Variants in TASOR2 observed in about 807,000 individuals in gnomAD.
The protein encoded by TASOR2 is protein TASOR 2.
TASOR2 carries 84 observed loss-of-function variants against 199.5 expected under a neutral mutation model. The ratio of observed to expected loss-of-function variants is 0.42; its 90% CI spans 0.35 to 0.50. The LOEUF (loss-of-function observed/expected upper bound fraction) is 0.50, where lower values mean the gene tolerates loss of function less well. Among genes scored for constraint, TASOR2 ranks in the 20% least tolerant of loss-of-function variants. TASOR2 has a pLI of 0.02. For missense variants in TASOR2, 2,796 were observed against 2,835.9 expected (o/e 0.99, Z 0.32); for synonymous variants, 1,103 against 1,046.6 (o/e 1.05, Z -1.04).
rs1564289055 is a variant in TASOR2, at chr10:5,719,136, AAAC to A, written c.-100+1395_-100+1397del. Among the ~76,000 whole-genome samples the A allele has an allele frequency of 6.6e-6, 1 of 152,150 alleles. No individual in the cohort carries two copies. The highest frequency in any genetic ancestry group is 2.4e-5 in the African/African-American group (1 of 41,438). ...GTCTGTAAATGAAGAGGCAGGACTTAAACAACAACAAAACATCTTCTTTTTTAA... is the reference window on the plus strand; with the variant it reads ...GTCTGTAAATGAAGAGGCAGGACTTAAACAACAAAACATCTTCTTTTTTAA... On this transcript the variant is annotated intron_variant, in intron 3 of 20. Coordinates refer to ENST00000328090, the Ensembl canonical transcript of TASOR2. The surrounding 1 kb of genome is among the most constrained non-coding windows in gnomAD (Gnocchi z 4.1).
intron 1 of TASOR2, chr10:5,712,434 G>A: frequency 8.1e-7 from 1 of 1,231,706 alleles, no homozygotes; most frequent in Non-Finnish European, 1.0e-6. Context: ...CTCTCTTCCA[G>A]AGGGCAGTTT....
chr10:5,757,090 G>A (rs1839067427), intron 16 of TASOR2, among the ~76,000 whole-genome samples: 2 of 152,204 alleles, frequency 1.3e-5, no homozygotes, highest in South Asian at 4.1e-4. Flanking sequence ...TTGAATCAAA[G>A]TAATTGCTTG....
At chr10:5,727,282 A>G (rs1834170081) in intron 10 of TASOR2, among the ~76,000 whole-genome samples, 159 bp downstream of exon 11, 1 of 152,116 alleles carries the variant, frequency 6.6e-6, no homozygotes, top group Admixed American at 6.5e-5. Context: ...CCTCCCTTGT[A>G]GGTTTATGCT....
intron 1 of TASOR2, among the ~76,000 whole-genome samples, chr10:5,692,390 A>C (rs1836545242): frequency 6.6e-6 from 1 of 152,108 alleles, no homozygotes; most frequent in Non-Finnish European, 1.5e-5. Flanking sequence ...CGGGTAGGAC[A>C]CTTAAGGAAA....
intron 14 of TASOR2, among the ~76,000 whole-genome samples, chr10:5,745,284 G>C (rs569043774): frequency 6.6e-6 from 1 of 151,694 alleles, no homozygotes; most frequent in South Asian, 2.1e-4. Context: ...TGTACAATAG[G>C]TATTCAAATG....
chr10:5,723,793 A>G lies in TASOR2; in HGVS notation c.247+16A>G, dbSNP rs767265278. The stretch of plus-strand genomic sequence containing the variant: ...GAGGAGAAAGGTCTGTTGAAATGTA[A>G]TAACACGCTACTTGTCCTGGGCTTT... On this transcript the variant is annotated intron_variant, in intron 7 of 20. Transcript: ENST00000328090. 3.3e-6 allele frequency: 5 copies of G among 1,535,694 alleles called. No homozygotes were observed. The highest frequency in any genetic ancestry group is 2.7e-5 in the African/African-American group (2 of 72,818).
chr10:5,728,619 A>G (rs922114417), intron 10 of TASOR2, among the ~76,000 whole-genome samples: 1 of 147,446 alleles, frequency 6.8e-6, no homozygotes, highest in Non-Finnish European at 1.5e-5. Context: ...CAAAAAAATT[A>G]AAAAAAAAAA....
At chr10:5,692,944 C>A (rs549473611) in intron 1 of TASOR2, 2 of 152,416 alleles carry the variant, frequency 1.3e-5, no homozygotes, top group African/African-American at 4.8e-5. Context: ...GCCTAGGTCT[C>A]CCACATGCTG....
chr10:5,763,114 T>TACACATGTGAAC, exon 21 of TASOR2: 1 of 1,329,522 alleles, frequency 7.5e-7, no homozygotes. Context: ...AACATGTGAA[T>TACACATGTGAAC]ACACATGTGA....
intron 2 of TASOR2, among the ~76,000 whole-genome samples, chr10:5,716,851 GT>G (rs1191772009): frequency 1.3e-5 from 2 of 151,416 alleles, no homozygotes; most frequent in Non-Finnish European, 2.9e-5. Flanking sequence ...GGAGGCAGAG[GT>G]TGCAGTGAGC....
rs768968793 is a variant in TASOR2, at chr10:5,722,413, G to A, written c.147-1264G>A. 4.0e-4 allele frequency among the ~76,000 whole-genome samples: 61 copies of A among 151,882 alleles called. 1 individual carries two copies. Among genetic ancestry groups the A allele is most frequent in the Non-Finnish European group, 1.5e-4 (10 of 67,900 alleles). ...GGAGGTTGCATTGAGCTGAGATCGC[G>A]CCACTACACTCCAGCCTGGGCGACA... On this transcript the variant is annotated intron_variant, in intron 6 of 20. Coordinates refer to ENST00000328090, the Ensembl canonical transcript of TASOR2. This position sits in a 1 kb window ranked among gnomAD's most constrained non-coding sequence, Gnocchi z 4.0.
intron 13 of TASOR2, among the ~76,000 whole-genome samples, chr10:5,741,066 A>C (rs1182585428): frequency 6.6e-6 from 1 of 152,178 alleles, no homozygotes; most frequent in Non-Finnish European, 1.5e-5. Context: ...ATCCTGGGCA[A>C]GTTTCTTGCT....
At position 5,687,585 on chromosome 10, in the gene TASOR2, C is replaced by G. The variant is rs1241118092; in HGVS notation, c.-288+2410C>G. Among the ~76,000 whole-genome samples the G allele has an allele frequency of 6.6e-6, 1 of 152,206 alleles. No individual in the cohort carries two copies. The highest frequency in any genetic ancestry group is 1.5e-5 in the Non-Finnish European group (1 of 68,042). ...CTGTAATCCCAGCACTTTGGGAGGC[C>G]AAGGCAGGTGGATCACTTGAGGTCA... On this transcript the variant is annotated intron_variant, in intron 1 of 20. Coordinates refer to ENST00000328090, the Ensembl canonical transcript of TASOR2. The surrounding 1 kb of genome is among the most constrained non-coding windows in gnomAD (Gnocchi z 4.8).
intron 11 of TASOR2, 133 bp downstream of exon 12, chr10:5,731,336 C>T: frequency 1.3e-6 from 1 of 763,918 alleles, no homozygotes; most frequent in Non-Finnish European, 2.1e-6. Flanking sequence ...TGAGACCAGT[C>T]TGACCAATAC....
Position 5,740,444 on chromosome 10 carries a change from C to T in TASOR2, c.2274C>T (p.Asp758=), listed in dbSNP as rs768298489. Reference sequence around the variant, plus strand: ...AAACAGAATATGCATTCAGTTTAGACAGCAAATATACCAACAACCCACTGG... The same window carrying T: ...AAACAGAATATGCATTCAGTTTAGATAGCAAATATACCAACAACCCACTGG... The change falls in exon 13 of 21, where the codon GAC becomes GAT. Residue 758 remains aspartate, a synonymous_variant. Coordinates refer to ENST00000328090, the Ensembl canonical transcript of TASOR2. The surrounding 1 kb of genome is among the most constrained non-coding windows in gnomAD (Gnocchi z 5.3). 2.5e-6 allele frequency: 4 copies of T among 1,613,958 alleles called. No homozygotes were observed. The highest frequency in any genetic ancestry group is 2.2e-5 in the East Asian group (1 of 44,886).
At chr10:5,724,390 G>A (rs772335984) in intron 7 of TASOR2, 40 bp from the exon 9 acceptor site, 14 of 975,992 alleles carry the variant, frequency 1.4e-5, no homozygotes, top group East Asian at 6.4e-5. Context: ...ACATAATAGC[G>A]TATTAAAAAT....
At chr10:5,726,833 A>G in intron 8 of TASOR2, 52 bp from the exon 10 acceptor site, 2 of 1,494,526 alleles carry the variant, frequency 1.3e-6, no homozygotes, top group Non-Finnish European at 1.9e-6. Context: ...TAGAGGGAGA[A>G]GAGAGGGATT....
rs772771342 is a variant in TASOR2 at position 5,739,869 on chromosome 10, G to A, written c.1699G>A (p.Asp567Asn). ...CTGTTCCTCTGAATTGCCACAAAAT[G>A]ATGTTTTGCTCTCTAAAGAAAATTC... is the stretch of plus-strand genomic sequence containing the variant. Residue 567 changes from aspartate to asparagine, a missense_variant, in exon 13 of 21, where the codon GAT becomes AAT. Transcript: ENST00000328090. The A allele has an allele frequency of 1.2e-6, 2 of 1,614,128 alleles. No individual in the cohort carries two copies. The highest frequency in any genetic ancestry group is 2.7e-5 in the African/African-American group (2 of 75,036).
exon 18 of TASOR2, chr10:5,758,898 G>A (rs1839372490): frequency 6.2e-7 from 1 of 1,612,382 alleles, no homozygotes; most frequent in African/African-American, 1.3e-5. Flanking sequence ...TCAACTGAAG[G>A]AAATTATCAA....
Sources: allele counts gnomAD v4.1 joint callset (sites outside exome capture counted in the v4.1 genomes callset), GRCh38; gene constraint gnomAD v4.1.1; non-coding constraint Gnocchi (gnomAD v3.1); transcripts MANE v1.5; gene names NCBI Gene and HGNC (gene_info 2026-07-23, HGNC 2026-07-21).